Variants in SEMA5A observed in about 807,000 individuals in gnomAD.
SEMA5A encodes semaphorin 5A.
SEMA5A carries 55 observed loss-of-function variants against 135.5 expected under a neutral mutation model. That is an observed-to-expected ratio of 0.41 (90% CI 0.33 to 0.51). The LOEUF (loss-of-function observed/expected upper bound fraction) is 0.51. Among genes scored for constraint, SEMA5A ranks in the 20% least tolerant of loss-of-function variants. The pLI is 0.37. For synonymous variants in SEMA5A, 580 were observed against 546.5 expected, an observed-to-expected ratio of 1.06 and a Z score of -0.85; for missense variants, 1,290 against 1,419.9, an observed-to-expected ratio of 0.91 and a Z score of 1.47.
intron 2 of SEMA5A, among the ~76,000 whole-genome samples, chr5:9,394,220 C>T (rs1312377343): frequency 6.6e-6 from 1 of 152,108 alleles, no homozygotes; most frequent in Non-Finnish European, 1.5e-5. Context: ...CCCACACTTT[C>T]CCACTTCCAC....
At chr5:9,070,424 G>C (rs1277520682) in intron 16 of SEMA5A, among the ~76,000 whole-genome samples, 7 of 152,168 alleles carry the variant, frequency 4.6e-5, no homozygotes, top group African/African-American at 1.7e-4. Context: ...TGTTTGAAAA[G>C]TGCTGGTCTT....
rs937870282 is a variant in SEMA5A, at chr5:9,520,489, G to C, written c.-175+25095C>G. ...GGGCTTAGAAGGTGAGGGTGGGTAGGGGGAGGACAGGAGCTCAGAGCAGGG... is the reference window on the plus strand; with the variant it reads ...GGGCTTAGAAGGTGAGGGTGGGTAGCGGGAGGACAGGAGCTCAGAGCAGGG... On this transcript the variant is annotated intron_variant, in intron 1 of 22. Transcript: ENST00000382496. 9.2e-5 allele frequency among the ~76,000 whole-genome samples: 14 copies of C among 152,250 alleles called. No individual in the cohort carries two copies. The South Asian group carries it at 1.2e-3, about 14-fold the overall frequency.
At chr5:9,282,047 G>A (rs774356071) in intron 5 of SEMA5A, among the ~76,000 whole-genome samples, 14 of 151,904 alleles carry the variant, frequency 9.2e-5, no homozygotes, top group East Asian at 1.9e-4. Context: ...TCCTGACCTC[G>A]TGATCCACCC....
At chr5:9,436,076 A>G (rs1412384161) in intron 2 of SEMA5A, among the ~76,000 whole-genome samples, 1 of 152,240 alleles carries the variant, frequency 6.6e-6, no homozygotes, top group East Asian at 1.9e-4. Context: ...ATTCTCTTGC[A>G]GATTATTTAA....
At chr5:9,541,653 G>A (rs1010151028) in intron 1 of SEMA5A, among the ~76,000 whole-genome samples, 1 of 152,180 alleles carries the variant, frequency 6.6e-6, no homozygotes, top group East Asian at 1.9e-4. Context: ...AATAAAGTGT[G>A]CTTGTCTTTG....
chr5:9,199,157 C>A (rs752180093), intron 9 of SEMA5A, among the ~76,000 whole-genome samples: 8 of 152,138 alleles, frequency 5.3e-5, no homozygotes, highest in Non-Finnish European at 8.8e-5. Context: ...CATAATGTTT[C>A]TCTGTTCACT....
intron 13 of SEMA5A, among the ~76,000 whole-genome samples, chr5:9,131,678 A>G (rs927515736): frequency 1.1e-4 from 16 of 148,304 alleles, no homozygotes; most frequent in African/African-American, 4.0e-4. Flanking sequence ...TGAGCAATAG[A>G]GCAAGAATGC....
intron 8 of SEMA5A, among the ~76,000 whole-genome samples, chr5:9,205,314 G>A (rs1745950537): frequency 6.6e-6 from 1 of 151,218 alleles, no homozygotes; most frequent in Admixed American, 6.6e-5. Context: ...ATGGAAGTCA[G>A]GAATGACACA....
rs144080981 is a variant in SEMA5A, at chr5:9,244,192, A to T, written c.271-6302T>A. On this transcript the variant is annotated intron_variant, in intron 5 of 22. Coordinates refer to ENST00000382496, the MANE Select transcript of SEMA5A (RefSeq NM_003966.3). ...TATAAGAACACAGTTTGTTCTTGAC[A>T]CAGCAGCAATGTCCTGCTTTCAAAA... Among the ~76,000 whole-genome samples the T allele has an allele frequency of 2.8e-4, 42 of 152,346 alleles. No homozygotes were observed. The East Asian group carries it at 7.7e-3, about 28-fold the overall frequency.
At chr5:9,270,016 T>G (rs1013983074) in intron 5 of SEMA5A, among the ~76,000 whole-genome samples, 6 of 152,146 alleles carry the variant, frequency 3.9e-5, no homozygotes, top group African/African-American at 1.4e-4. Flanking sequence ...AATTCCCTGT[T>G]AAAAACGGCT....
At chr5:9,364,432 A>G (rs1754829438) in intron 3 of SEMA5A, among the ~76,000 whole-genome samples, 1 of 152,144 alleles carries the variant, frequency 6.6e-6, no homozygotes, top group Non-Finnish European at 1.5e-5. Flanking sequence ...TAATATTTTC[A>G]CTGAAGGAGC....
chr5:9,494,980 T>C (rs1209859961), intron 1 of SEMA5A, among the ~76,000 whole-genome samples: 2 of 152,202 alleles, frequency 1.3e-5, no homozygotes, highest in South Asian at 4.1e-4. Context: ...TGTCCATATA[T>C]ATTAAAATAT....
At chr5:9,320,349 T>TTAACCA (rs1752573997) in intron 4 of SEMA5A, among the ~76,000 whole-genome samples, 1 of 152,128 alleles carries the variant, frequency 6.6e-6, no homozygotes, top group African/African-American at 2.4e-5. Context: ...AGGATACCTC[T>TTAACCA]GAGGGGAGGG....
At chr5:9,295,544 G>C (rs1329013296) in intron 5 of SEMA5A, among the ~76,000 whole-genome samples, 3 of 152,162 alleles carry the variant, frequency 2.0e-5, no homozygotes, top group African/African-American at 7.2e-5. Context: ...GAGTGATGGG[G>C]AAGGAGGAGG....
chr5:9,406,054 C>T (rs900476436), intron 2 of SEMA5A, among the ~76,000 whole-genome samples: 1 of 152,136 alleles, frequency 6.6e-6, no homozygotes, highest in Non-Finnish European at 1.5e-5. Flanking sequence ...AGGTCTTCTG[C>T]CTTACGTAGT....
Position 9,263,082 on chromosome 5 carries a change from C to T in SEMA5A, c.271-25192G>A, listed in dbSNP as rs536580239. Among the ~76,000 whole-genome samples, 8 of 149,568 alleles carry T rather than the reference C, an allele frequency of 5.3e-5. No homozygotes were observed. The East Asian group carries it at 1.4e-3, about 25-fold the overall frequency. ...ACAGATGTCTCTGCCAACAAAAAAT[C>T]GGTTCAGAATATTAGGTTGTTTATT... On this transcript the variant is annotated intron_variant, in intron 5 of 22. Coordinates refer to ENST00000382496, the MANE Select transcript of SEMA5A (RefSeq NM_003966.3).
At chr5:9,337,890 G>T (rs1030899212) in intron 3 of SEMA5A, 78 bp from the exon 4 acceptor site, 3 of 931,504 alleles carry the variant, frequency 3.2e-6, no homozygotes, top group Admixed American at 4.6e-5. Context: ...GTGCACATCA[G>T]GTAGCAGACG....
Position 9,190,472 on chromosome 5 carries a change from C to T in SEMA5A, c.1069-1G>A. Reference sequence around the variant, plus strand: ...ACAGGCCCTGGTCCACGGTGCCACACTGAAAGGGAAGACGGGCCAGGTTAC... The same window carrying T: ...ACAGGCCCTGGTCCACGGTGCCACATTGAAAGGGAAGACGGGCCAGGTTAC... On this transcript the variant is annotated splice_acceptor_variant, in intron 10 of 22. Transcript: ENST00000382496. LOFTEE classifies it high-confidence loss of function. 6.2e-7 allele frequency: 1 copy of T among 1,612,976 alleles called. No homozygotes were observed. Among genetic ancestry groups the T allele is most frequent in the Non-Finnish European group, 8.5e-7 (1 of 1,179,930 alleles).
intron 2 of SEMA5A, among the ~76,000 whole-genome samples, chr5:9,436,430 G>A (rs925085986): frequency 8.5e-5 from 13 of 152,266 alleles, no homozygotes; most frequent in East Asian, 3.9e-4. Flanking sequence ...TCTGCAAAAC[G>A]TAAGGACGAC....
Sources: gnomAD v4.1 joint callset for allele counts (sites outside exome capture counted in the v4.1 genomes callset) on GRCh38, gnomAD v4.1.1 for gene constraint, MANE v1.5 for transcripts, NCBI Gene and HGNC (gene_info 2026-07-23, HGNC 2026-07-21) for gene names.